The following TFCP2L1 variants were observed in gnomAD, a reference collection of about 807,000 sequenced individuals.
TFCP2L1 encodes transcription factor CP2-like protein 1.
In TFCP2L1, 12 loss-of-function variants were observed where a neutral mutation model predicts 72.2. The ratio of observed to expected loss-of-function variants is 0.17; its 90% CI spans 0.11 to 0.27. The LOEUF (loss-of-function observed/expected upper bound fraction) is 0.27, where lower values mean the gene tolerates loss of function less well. TFCP2L1 is among the 10% of genes least tolerant of loss of function. TFCP2L1 has a pLI of 1.00. For synonymous variants in TFCP2L1, 260 were observed against 251.0 expected (o/e 1.04, Z -0.34); for missense variants, 488 against 624.6 (o/e 0.78, Z 2.33).
chr2:121,229,467 A>G (rs572553208), intron 13 of TFCP2L1, among the ~76,000 whole-genome samples: 2 of 152,358 alleles, frequency 1.3e-5, no homozygotes, highest in East Asian at 3.9e-4. Flanking sequence ...ACTGAGAGGA[A>G]GTGCTCGTGA....
chr2:121,260,501 C>T (rs1686811167), intron 2 of TFCP2L1, among the ~76,000 whole-genome samples: 1 of 152,196 alleles, frequency 6.6e-6, no homozygotes, highest in East Asian at 1.9e-4. Flanking sequence ...CCTACGGAGC[C>T]CTACCCATGC....
chr2:121,239,854 A>C (rs1368731000), intron 7 of TFCP2L1, among the ~76,000 whole-genome samples: 3 of 152,210 alleles, frequency 2.0e-5, no homozygotes, highest in Admixed American at 6.5e-5. Flanking sequence ...AATGTTCAGT[A>C]AGTCACCCCT....
At chr2:121,238,372 G>A (rs972266314) in intron 8 of TFCP2L1, among the ~76,000 whole-genome samples, 5 of 152,190 alleles carry the variant, frequency 3.3e-5, no homozygotes, top group Non-Finnish European at 5.9e-5. Flanking sequence ...ACGAGGAAAA[G>A]CACTGTTCTG....
intron 2 of TFCP2L1, among the ~76,000 whole-genome samples, chr2:121,280,158 ACTT>A (rs1236641144): frequency 6.6e-6 from 1 of 151,600 alleles, no homozygotes; most frequent in Non-Finnish European, 1.5e-5. Flanking sequence ...ACAAAATTAT[ACTT>A]CTTGTTTTAC....
chr2:121,265,610 AG>A (rs1255848000), intron 2 of TFCP2L1, among the ~76,000 whole-genome samples: 1 of 151,892 alleles, frequency 6.6e-6, no homozygotes, highest in Non-Finnish European at 1.5e-5. Flanking sequence ...CAGCTTCCCA[AG>A]TATCTGGGAT....
At chr2:121,257,157 G>GCCAGC (rs1371224191) in intron 2 of TFCP2L1, among the ~76,000 whole-genome samples, 1 of 152,196 alleles carries the variant, frequency 6.6e-6, no homozygotes, top group Non-Finnish European at 1.5e-5. Flanking sequence ...GCAAGTAGCT[G>GCCAGC]CCAGCCCAGC....
At chr2:121,268,130 AC>A (rs1014406327) in intron 2 of TFCP2L1, among the ~76,000 whole-genome samples, 6 of 152,232 alleles carry the variant, frequency 3.9e-5, no homozygotes, top group African/African-American at 9.6e-5. Context: ...AAACAAAAAA[AC>A]AATAACAAAA....
At chr2:121,280,074 T>C (rs1354453731) in intron 2 of TFCP2L1, among the ~76,000 whole-genome samples, 1 of 152,086 alleles carries the variant, frequency 6.6e-6, no homozygotes, top group African/African-American at 2.4e-5. Flanking sequence ...CCACGTGTTC[T>C]GGAAAAGGGA....
At chr2:121,282,283 T>G (rs1263469828) in intron 1 of TFCP2L1, among the ~76,000 whole-genome samples, 2 of 149,240 alleles carry the variant, frequency 1.3e-5, no homozygotes, top group African/African-American at 5.0e-5. Context: ...TGCTCCAAGT[T>G]TCTTTTCCTC....
chr2:121,281,875 A>C (rs1687269875), intron 1 of TFCP2L1, among the ~76,000 whole-genome samples: 2 of 143,654 alleles, frequency 1.4e-5, no homozygotes, highest in African/African-American at 2.6e-5. Flanking sequence ...ATCTGTCCAA[A>C]AGGCAAACAG....
At chr2:121,236,300 C>T (rs1282001304) in intron 10 of TFCP2L1, among the ~76,000 whole-genome samples, 1 of 152,148 alleles carries the variant, frequency 6.6e-6, no homozygotes, top group Non-Finnish European at 1.5e-5. Context: ...GTGTGTTTGG[C>T]TCTAGCAGAT....
intron 2 of TFCP2L1, among the ~76,000 whole-genome samples, chr2:121,251,342 T>C (rs1445307879): frequency 6.6e-6 from 1 of 152,228 alleles, no homozygotes; most frequent in Non-Finnish European, 1.5e-5. Flanking sequence ...CCATGGTACA[T>C]TATCAAAACT....
chr2:121,254,786 G>A (rs1249032209), intron 2 of TFCP2L1, among the ~76,000 whole-genome samples: 1 of 150,944 alleles, frequency 6.6e-6, no homozygotes, highest in Non-Finnish European at 1.5e-5. Context: ...CTGGGGGAGA[G>A]AGCGAGACTC....
chr2:121,266,334 G>A (rs1400501467), intron 2 of TFCP2L1, among the ~76,000 whole-genome samples: 1 of 152,020 alleles, frequency 6.6e-6, no homozygotes, highest in African/African-American at 2.4e-5. Flanking sequence ...GTGGCAGAAG[G>A]AAAGTAACAC....
chr2:121,224,134 G>A lies in TFCP2L1; in HGVS notation c.*207C>T. 1.7e-6 allele frequency: 1 copy of A among 599,504 alleles called. No individual in the cohort carries two copies. Among genetic ancestry groups the A allele is most frequent in the Non-Finnish European group, 3.0e-6 (1 of 337,568 alleles). 37.1% of individuals were successfully genotyped at this position (599,504 alleles called of 1,614,324 possible). On this transcript the variant is annotated 3_prime_UTR_variant, in exon 15 of 15. Transcript: ENST00000263707. Reference sequence around the variant, plus strand: ...TCAAAATCTGGAGGCCAAGAGGAAGGGAGAAAGGAGCCACTGGCTTTCTGT... The same window carrying A: ...TCAAAATCTGGAGGCCAAGAGGAAGAGAGAAAGGAGCCACTGGCTTTCTGT...
At chr2:121,229,473 C>T (rs557467514) in intron 13 of TFCP2L1, among the ~76,000 whole-genome samples, 4 of 152,226 alleles carry the variant, frequency 2.6e-5, no homozygotes, top group South Asian at 4.1e-4. Context: ...AGGAAGTGCT[C>T]GTGAACATTC....
At chr2:121,226,115 G>A (rs1446538431) in intron 13 of TFCP2L1, among the ~76,000 whole-genome samples, 4 of 148,848 alleles carry the variant, frequency 2.7e-5, no homozygotes, top group African/African-American at 9.8e-5. Context: ...CTACACACAC[G>A]GGAACACGGT....
In TFCP2L1 at chr2:121,223,178, G is replaced by A. The variant is rs187972306; in HGVS notation, c.*1163C>T. ...CCCCATGAACCTAAATTAACCAAGAGCTGAAGCCCTGGGCCAGTAGAGATC... is the reference window on the plus strand; with the variant it reads ...CCCCATGAACCTAAATTAACCAAGAACTGAAGCCCTGGGCCAGTAGAGATC... On this transcript the variant is annotated 3_prime_UTR_variant, in exon 15 of 15. Transcript: ENST00000263707. The A allele has an allele frequency of 2.9e-4, 44 of 152,236 alleles. No individual in the cohort carries two copies. Among genetic ancestry groups the A allele is most frequent in the African/African-American group, 1.0e-3 (43 of 41,534 alleles). 9.4% of individuals were successfully genotyped at this position (152,236 alleles called of 1,614,324 possible). A position where few individuals can be genotyped will look rare whatever the true frequency, so the allele number is the denominator to read the frequency against.
At chr2:121,247,057 TC>T in intron 5 of TFCP2L1, 87 bp from the exon 6 acceptor site, 1 of 1,513,616 alleles carries the variant, frequency 6.6e-7, no homozygotes, top group Non-Finnish European at 9.0e-7. Context: ...ATTGGAGGTG[TC>T]CTTCCCTGCT....
Sources: allele counts gnomAD v4.1 joint callset (sites outside exome capture counted in the v4.1 genomes callset), GRCh38; gene constraint gnomAD v4.1.1; transcripts MANE v1.5; gene names NCBI Gene and HGNC (gene_info 2026-07-23, HGNC 2026-07-21).